PCDH11Y: variants seen among roughly 807,000 people sequenced by gnomAD.
PCDH11Y encodes the protein protocadherin-11 Y-linked.
For missense variants in PCDH11Y, 12 were observed against 224.8 expected, an observed-to-expected ratio of 0.05 and a Z score of 6.05; for synonymous variants, 9 against 83.6, an observed-to-expected ratio of 0.11 and a Z score of 4.87.
At chrY:5,247,392 G>A in intron 2 of PCDH11Y, among the ~76,000 whole-genome samples, 2 of 32,908 alleles carry the variant, frequency 6.1e-5, no homozygotes, top group Admixed American at 2.8e-4. Flanking sequence ...TCAGACCACC[G>A]TGCAATCAAA....
At chrY:5,358,089 A>G (rs2053170048) in intron 2 of PCDH11Y, among the ~76,000 whole-genome samples, 1 of 33,208 alleles carries the variant, frequency 3.0e-5, no homozygotes, top group African/African-American at 1.2e-4. Flanking sequence ...GGAGCCTGCT[A>G]CCACGCCAGG....
At chrY:5,440,737 C>CTATATATATA (rs1270510256) in intron 2 of PCDH11Y, among the ~76,000 whole-genome samples, 1 of 9,420 alleles carries the variant, frequency 1.1e-4, no homozygotes, top group Non-Finnish European at 2.1e-4. Context: ...TTTTAATAAA[C>CTATATATATA]TATATATATA....
At chrY:5,486,916 A>AT (rs2053333755) in intron 2 of PCDH11Y, among the ~76,000 whole-genome samples, 4 of 21,597 alleles carry the variant, frequency 1.9e-4, no homozygotes, top group African/African-American at 5.7e-4. Flanking sequence ...AGCCTGGCTA[A>AT]TTTTTTTTTG....
chrY:5,322,449 T>C, intron 2 of PCDH11Y, among the ~76,000 whole-genome samples: 1 of 32,325 alleles, frequency 3.1e-5, no homozygotes, highest in African/African-American at 1.2e-4. Flanking sequence ...TAATACCTAA[T>C]ACAATGTAAA....
intron 3 of PCDH11Y, among the ~76,000 whole-genome samples, chrY:5,511,966 G>T (rs2053365916): frequency 3.1e-5 from 1 of 32,537 alleles, no homozygotes; most frequent in South Asian, 6.9e-4. Context: ...TCGTTATGAA[G>T]AGAAGCATTC....
intron 1 of PCDH11Y, among the ~76,000 whole-genome samples, chrY:5,015,750 G>A: frequency 3.5e-5 from 1 of 28,433 alleles, no homozygotes; most frequent in Non-Finnish European, 8.4e-5. Context: ...TTAGGAAGGT[G>A]ATATGGTTTG....
At chrY:5,239,839 G>A in intron 2 of PCDH11Y, among the ~76,000 whole-genome samples, 1 of 33,035 alleles carries the variant, frequency 3.0e-5, no homozygotes, top group Non-Finnish European at 7.4e-5. Context: ...TGGCAATGAG[G>A]TATGGCTAAT....
intron 1 of PCDH11Y, among the ~76,000 whole-genome samples, chrY:5,028,907 G>T (rs2052583900): frequency 3.0e-5 from 1 of 33,010 alleles, no homozygotes; most frequent in Non-Finnish European, 7.4e-5. Flanking sequence ...TCTGTGGGGG[G>T]GAGACAGAGA....
At chrY:5,546,031 A>G (rs2124693529) in intron 3 of PCDH11Y, among the ~76,000 whole-genome samples, 2 of 32,747 alleles carry the variant, frequency 6.1e-5, no homozygotes, top group South Asian at 1.3e-3. Flanking sequence ...GTTTTAAATC[A>G]ATTAAAACTT....
At chrY:5,667,375 T>A in intron 4 of PCDH11Y, among the ~76,000 whole-genome samples, 1 of 30,774 alleles carries the variant, frequency 3.2e-5, no homozygotes, top group African/African-American at 1.3e-4. Flanking sequence ...CTATTTTTTT[T>A]AATTCTTTCC....
chrY:5,647,403 A>G (rs2053528067), intron 4 of PCDH11Y, among the ~76,000 whole-genome samples: 1 of 34,035 alleles, frequency 2.9e-5, no homozygotes, highest in Admixed American at 2.7e-4. Flanking sequence ...TAAAGAGAAG[A>G]TTTAGTTTAA....
intron 4 of PCDH11Y, among the ~76,000 whole-genome samples, chrY:5,688,052 A>G: frequency 3.0e-5 from 1 of 33,053 alleles, no homozygotes; most frequent in South Asian, 6.6e-4. Context: ...ATTGTTATCA[A>G]TTTCTAAATT....
intron 1 of PCDH11Y, among the ~76,000 whole-genome samples, chrY:5,084,770 C>T: frequency 3.0e-5 from 1 of 33,085 alleles, no homozygotes; most frequent in Non-Finnish European, 7.5e-5. Flanking sequence ...GACTTTCTCT[C>T]TTCTTAATTG....
chrY:5,667,715 C>T, intron 4 of PCDH11Y, among the ~76,000 whole-genome samples: 2 of 33,303 alleles, frequency 6.0e-5, no homozygotes. Flanking sequence ...TCTTATCTAG[C>T]CTTCTGGCAT....
At chrY:5,453,351 C>T (rs2053294889) in intron 2 of PCDH11Y, among the ~76,000 whole-genome samples, 1 of 33,454 alleles carries the variant, frequency 3.0e-5, no homozygotes, top group Non-Finnish European at 7.4e-5. Flanking sequence ...TGAAATTAGA[C>T]CCCCATCTGT....
At chrY:5,031,233 A>G in intron 1 of PCDH11Y, among the ~76,000 whole-genome samples, 1 of 31,740 alleles carries the variant, frequency 3.2e-5, no homozygotes, top group African/African-American at 1.2e-4. Context: ...ATTGGATAGT[A>G]CTGCTCTAGA....
intron 2 of PCDH11Y, among the ~76,000 whole-genome samples, chrY:5,144,347 C>T (rs2052854385): frequency 3.2e-5 from 1 of 31,482 alleles, no homozygotes; most frequent in Non-Finnish European, 7.8e-5. Flanking sequence ...TGTATGAATT[C>T]TCTTTTACCT....
chrY:5,017,947 T>C, intron 1 of PCDH11Y, among the ~76,000 whole-genome samples: 1 of 33,416 alleles, frequency 3.0e-5, no homozygotes, highest in African/African-American at 1.2e-4. Context: ...TTTTTGTTTA[T>C]ATTTTGAAAT....
chrY:5,727,161 AT>A, intron 4 of PCDH11Y, among the ~76,000 whole-genome samples: 3 of 33,574 alleles, frequency 8.9e-5, no homozygotes, highest in African/African-American at 1.1e-4. Flanking sequence ...TTTTAAAATT[AT>A]GTACAAAAAC....
Sources: gnomAD v4.1 joint callset for allele counts (sites outside exome capture counted in the v4.1 genomes callset) on GRCh38, gnomAD v4.1.1 for gene constraint, MANE v1.5 for transcripts, NCBI Gene and HGNC (gene_info 2026-07-23, HGNC 2026-07-21) for gene names.